DCLK1: variants seen among roughly 807,000 people sequenced by gnomAD.
DCLK1 encodes doublecortin like kinase 1, also known as serine/threonine-protein kinase DCLK1.
In DCLK1, 16 loss-of-function variants were observed where a neutral mutation model predicts 86.2. That is an observed-to-expected ratio of 0.19 (90% confidence interval 0.13 to 0.28). DCLK1 has a LOEUF of 0.28. Ranked by LOEUF, DCLK1 falls within the 10% of genes least tolerant of loss-of-function variation. The pLI, the probability that DCLK1 is intolerant of heterozygous loss-of-function variation, is 1.00. For synonymous variants in DCLK1, 369 were observed against 370.5 expected (o/e 1.00, Z 0.05); for missense variants, 590 against 940.2 (o/e 0.63, Z 4.87).
At chr13:36,090,996 A>G (rs1296217841) in intron 3 of DCLK1, among the ~76,000 whole-genome samples, 1 of 152,244 alleles carries the variant, frequency 6.6e-6, no homozygotes. Context: ...TTCTTTTGAG[A>G]AGTGTCTGTT....
At chr13:35,972,099 G>A (rs1023088858) in intron 3 of DCLK1, among the ~76,000 whole-genome samples, 4 of 152,062 alleles carry the variant, frequency 2.6e-5, no homozygotes, top group African/African-American at 9.7e-5. Context: ...TTGTCCCACA[G>A]CTCAACCATT....
rs531902975 is a variant in DCLK1 at position 35,825,639 on chromosome 13, G to A, written c.1407+1996C>T. Reference sequence around the variant, plus strand: ...GGTAATCAAATTCTAACAGCACATAGAAGGGCAACAGAATGGCTTGAAGTT... The same window carrying A: ...GGTAATCAAATTCTAACAGCACATAAAAGGGCAACAGAATGGCTTGAAGTT... On this transcript the variant is annotated intron_variant, in intron 10 of 16. Transcript: ENST00000360631. 4.6e-5 allele frequency among the ~76,000 whole-genome samples: 7 copies of A among 152,212 alleles called. No homozygotes were observed. In the East Asian group the frequency reaches 5.8e-4, roughly 13 times the overall value.
chr13:36,045,476 C>A (rs1307218292), intron 3 of DCLK1, among the ~76,000 whole-genome samples: 1 of 150,184 alleles, frequency 6.7e-6, no homozygotes, highest in Non-Finnish European at 1.5e-5. Context: ...AAAAATCAAG[C>A]AAATTATTGA....
At chr13:36,031,781 C>T (rs528168942) in intron 3 of DCLK1, among the ~76,000 whole-genome samples, 2 of 152,292 alleles carry the variant, frequency 1.3e-5, no homozygotes, top group Non-Finnish European at 2.9e-5. Context: ...TGTTGAAACG[C>T]GTGGCTGTCA....
At chr13:35,823,382 C>CACACAA (rs1255683149) in intron 10 of DCLK1, among the ~76,000 whole-genome samples, 1 of 151,806 alleles carries the variant, frequency 6.6e-6, no homozygotes, top group Non-Finnish European at 1.5e-5. Flanking sequence ...CACACACACA[C>CACACAA]AATCCCCTTC....
At chr13:36,087,557 T>G (rs1884654267) in intron 3 of DCLK1, among the ~76,000 whole-genome samples, 1 of 152,170 alleles carries the variant, frequency 6.6e-6, no homozygotes, top group Non-Finnish European at 1.5e-5. Context: ...ACCCATCCTG[T>G]GACTGTGAGA....
At chr13:35,901,314 C>A (rs1874341781) in intron 4 of DCLK1, among the ~76,000 whole-genome samples, 1 of 151,680 alleles carries the variant, frequency 6.6e-6, no homozygotes, top group Admixed American at 6.6e-5. Context: ...TGGTGAAATC[C>A]AATCTCTACT....
intron 3 of DCLK1, among the ~76,000 whole-genome samples, chr13:35,978,790 G>A (rs1185491109): frequency 2.0e-5 from 3 of 151,966 alleles, no homozygotes. Context: ...TTTTCTGTAA[G>A]GCCCCATTTC....
intron 3 of DCLK1, among the ~76,000 whole-genome samples, chr13:36,081,296 T>C (rs954200441): frequency 1.5e-4 from 23 of 152,208 alleles, no homozygotes; most frequent in African/African-American, 5.1e-4. Context: ...TCTAATATCA[T>C]GAAGGCTGAC....
chr13:35,867,296 C>T (rs866897182), intron 5 of DCLK1, among the ~76,000 whole-genome samples: 2 of 152,212 alleles, frequency 1.3e-5, no homozygotes, highest in African/African-American at 2.4e-5. Context: ...AAAAAGCTCA[C>T]ATTAAACAAA....
intron 6 of DCLK1, chr13:35,845,960 T>G (rs7328055): frequency 0.22 from 214,424 of 984,176 alleles, 23,535 homozygotes; most frequent in Admixed American, 0.29. Flanking sequence ...AAAGTTAACT[T>G]CAAGAGGAAT....
intron 4 of DCLK1, among the ~76,000 whole-genome samples, chr13:35,922,993 C>A (rs1946472825): frequency 6.6e-6 from 1 of 152,184 alleles, no homozygotes; most frequent in Non-Finnish European, 1.5e-5. Context: ...AAATGAAGAT[C>A]CAATCCTGGT....
chr13:35,839,045 C>G, intron 7 of DCLK1, 47 bp downstream of exon 7: 2 of 1,535,142 alleles, frequency 1.3e-6, no homozygotes, highest in Non-Finnish European at 1.8e-6. Context: ...GTAAATTTAG[C>G]CAACCCATCC....
chr13:35,795,971 G>A (rs2086802128), intron 15 of DCLK1, among the ~76,000 whole-genome samples: 1 of 149,928 alleles, frequency 6.7e-6, no homozygotes. Flanking sequence ...AACAACAACT[G>A]GTGAATGAAA....
At chr13:36,094,254 G>A (rs1566678780) in intron 3 of DCLK1, among the ~76,000 whole-genome samples, 2 of 152,042 alleles carry the variant, frequency 1.3e-5, no homozygotes, top group Non-Finnish European at 2.9e-5. Context: ...AATTATCATT[G>A]TATTTTCTTT....
At chr13:36,034,366 A>G (rs1882408225) in intron 3 of DCLK1, among the ~76,000 whole-genome samples, 1 of 152,214 alleles carries the variant, frequency 6.6e-6, no homozygotes, top group African/African-American at 2.4e-5. Flanking sequence ...CTAAGTCTGT[A>G]CAATATATTT....
At chr13:35,797,627 G>A (rs9601350) in intron 15 of DCLK1, among the ~76,000 whole-genome samples, 14,052 of 151,994 alleles carry the variant, frequency 0.092, 2,087 homozygotes, top group African/African-American at 0.32. Flanking sequence ...AATGAAATAA[G>A]GTGTCTCAGC....
At chr13:36,003,674 T>C (rs1215381622) in intron 3 of DCLK1, among the ~76,000 whole-genome samples, 1 of 152,146 alleles carries the variant, frequency 6.6e-6, no homozygotes, top group Non-Finnish European at 1.5e-5. Flanking sequence ...AGAATATTGA[T>C]TGAAAAACTA....
In DCLK1 at chr13:36,101,475, T is replaced by A. The variant is rs567185217; in HGVS notation, c.723+10394A>T. ...ACTGCGAAATCAGCTAAAACTAATGTTTAATGCATCTACCACGCAACAACA... is the reference window on the plus strand; with the variant it reads ...ACTGCGAAATCAGCTAAAACTAATGATTAATGCATCTACCACGCAACAACA... On this transcript the variant is annotated intron_variant, in intron 3 of 16. Transcript: ENST00000360631. 2.6e-5 allele frequency among the ~76,000 whole-genome samples: 4 copies of A among 152,314 alleles called. No individual in the cohort carries two copies. The South Asian group carries it at 8.3e-4, about 32-fold the overall frequency.
Sources: allele counts gnomAD v4.1 joint callset (sites outside exome capture counted in the v4.1 genomes callset), GRCh38; gene constraint gnomAD v4.1.1; transcripts MANE v1.5; gene names NCBI Gene and HGNC (gene_info 2026-07-23, HGNC 2026-07-21).